COMMD10: variants seen among roughly 807,000 people sequenced by gnomAD.
COMMD10 encodes the protein COMM domain containing 10.
In COMMD10, 33 loss-of-function variants were observed where a neutral mutation model predicts 28.9. The ratio of observed to expected loss-of-function variants is 1.14; its 90% confidence interval spans 0.87 to 1.53. The LOEUF is 1.53. COMMD10 is among the 40% of genes most tolerant of loss of function. The pLI, the probability that COMMD10 is intolerant of heterozygous loss-of-function variation, is 0.00. For synonymous variants in COMMD10, 110 were observed against 81.7 expected, an observed-to-expected ratio of 1.35 and a Z score of -1.87; for missense variants, 310 against 233.4, an observed-to-expected ratio of 1.33 and a Z score of -2.14.
chr5:116,093,914 A>G lies in COMMD10; in HGVS notation c.399+1214A>G, dbSNP rs997694624. 5.3e-5 allele frequency among the ~76,000 whole-genome samples: 8 copies of G among 152,336 alleles called. No homozygotes were observed. The East Asian group carries it at 1.5e-3, about 29-fold the overall frequency. On this transcript the variant is annotated intron_variant, in intron 4 of 6. Coordinates refer to ENST00000274458, the MANE Select transcript of COMMD10 (RefSeq NM_016144.4). ...GATTTATTACAAAGTTGCCAAGAGC[A>G]TACAACTGGGGAAAGGGCACCCTCT...
chr5:116,263,132 CAT>C (rs1336428783), intron 5 of COMMD10, among the ~76,000 whole-genome samples: 5 of 151,806 alleles, frequency 3.3e-5, no homozygotes, highest in Non-Finnish European at 5.9e-5. Flanking sequence ...TTTACTTACA[CAT>C]ATATTTTAGA....
intron 4 of COMMD10, among the ~76,000 whole-genome samples, chr5:116,126,902 A>C (rs965680496): frequency 1.8e-4 from 28 of 152,366 alleles, no homozygotes; most frequent in Admixed American, 3.3e-4. Context: ...AAGCAATGGC[A>C]ACAAAAGCCA....
At chr5:116,275,556 A>T (rs910708323) in intron 5 of COMMD10, among the ~76,000 whole-genome samples, 1 of 151,738 alleles carries the variant, frequency 6.6e-6, no homozygotes, top group South Asian at 2.1e-4. Flanking sequence ...GATTGTACAC[A>T]TTGTCTTCAT....
intron 5 of COMMD10, among the ~76,000 whole-genome samples, chr5:116,267,454 C>G (rs1219157519): frequency 6.6e-6 from 1 of 151,790 alleles, no homozygotes; most frequent in Non-Finnish European, 1.5e-5. Context: ...AAAGAGGACA[C>G]AAACAAATGG....
intron 5 of COMMD10, among the ~76,000 whole-genome samples, chr5:116,257,027 C>T (rs577085559): frequency 4.2e-4 from 64 of 151,866 alleles, no homozygotes; most frequent in African/African-American, 1.4e-3. Flanking sequence ...CATACTTTAC[C>T]TACAGTGCTG....
intron 5 of COMMD10, among the ~76,000 whole-genome samples, chr5:116,224,265 G>T (rs964153499): frequency 1.3e-5 from 2 of 152,138 alleles, no homozygotes; most frequent in Non-Finnish European, 2.9e-5. Context: ...GTTTATTCCT[G>T]TTCACTAGAA....
At chr5:116,283,022 A>T (rs1751115280) in intron 5 of COMMD10, among the ~76,000 whole-genome samples, 1 of 151,974 alleles carries the variant, frequency 6.6e-6, no homozygotes, top group South Asian at 2.1e-4. Flanking sequence ...AAGATTCTGT[A>T]GAACCAAGAA....
rs370243044 is a variant in COMMD10, at chr5:116,267,128, A to T, written c.511-24389A>T. 9.1e-4 allele frequency among the ~76,000 whole-genome samples: 138 copies of T among 152,024 alleles called. 3 individuals are homozygous for T. In the South Asian group the frequency reaches 0.027, roughly 29 times the overall value. On this transcript the variant is annotated intron_variant, in intron 5 of 6. Coordinates refer to ENST00000274458, the MANE Select transcript of COMMD10 (RefSeq NM_016144.4). The stretch of plus-strand genomic sequence containing the variant: ...CAGACAGGAGAAAGAAATAAAGGGT[A>T]GTCAATTAGGAAAAGAGGAAGTCAA...
At chr5:116,271,676 C>T (rs1448640885) in intron 5 of COMMD10, among the ~76,000 whole-genome samples, 2 of 151,788 alleles carry the variant, frequency 1.3e-5, no homozygotes, top group Admixed American at 6.6e-5. Flanking sequence ...TAGAAGGAGC[C>T]TATGTCTACT....
chr5:116,105,175 T>A (rs1750798235), intron 4 of COMMD10, among the ~76,000 whole-genome samples: 1 of 152,226 alleles, frequency 6.6e-6, no homozygotes, highest in Non-Finnish European at 1.5e-5. Context: ...CAAAGGGCTG[T>A]TGAATTTTAT....
intron 3 of COMMD10, 129 bp downstream of exon 3, chr5:116,091,318 G>A (rs1750292974): frequency 2.1e-6 from 1 of 472,182 alleles, no homozygotes; most frequent in East Asian, 3.4e-5. Flanking sequence ...ATGTATTTTA[G>A]TTAAGAATTT....
chr5:116,085,188 C>T, intron 1 of COMMD10, 95 bp downstream of exon 1: 1 of 449,008 alleles, frequency 2.2e-6, no homozygotes, highest in South Asian at 1.9e-5. Flanking sequence ...GCCTGGGCGC[C>T]GCGGCGGGCC....
At chr5:116,267,883 A>G (rs1355461047) in intron 5 of COMMD10, among the ~76,000 whole-genome samples, 1 of 151,906 alleles carries the variant, frequency 6.6e-6, no homozygotes, top group African/African-American at 2.4e-5. Context: ...TGCTGGGAAA[A>G]CTGGCTAGCC....
chr5:116,091,234 C>A, intron 3 of COMMD10, 45 bp downstream of exon 3: 1 of 1,039,812 alleles, frequency 9.6e-7, no homozygotes, highest in Non-Finnish European at 1.5e-6. Flanking sequence ...TTGTTTACTA[C>A]ATATTTGTAT....
intron 3 of COMMD10, among the ~76,000 whole-genome samples, chr5:116,091,720 G>A (rs1023208772): frequency 2.0e-5 from 3 of 152,106 alleles, no homozygotes; most frequent in South Asian, 2.1e-4. Context: ...GTTCATATGC[G>A]TTAGTTATAC....
chr5:116,130,338 G>T (rs1218552901), intron 4 of COMMD10, among the ~76,000 whole-genome samples: 1 of 151,810 alleles, frequency 6.6e-6, no homozygotes, highest in Non-Finnish European at 1.5e-5. Context: ...ATGATAGATG[G>T]CAAAAAGCCC....
intron 5 of COMMD10, among the ~76,000 whole-genome samples, chr5:116,271,463 T>G (rs1478721285): frequency 6.6e-6 from 1 of 151,606 alleles, no homozygotes; most frequent in Non-Finnish European, 1.5e-5. Flanking sequence ...TACTTTTGTT[T>G]CCTATCTCAA....
At chr5:116,254,222 A>G (rs187440787) in intron 5 of COMMD10, among the ~76,000 whole-genome samples, 35 of 151,856 alleles carry the variant, frequency 2.3e-4, no homozygotes, top group African/African-American at 7.5e-4. Context: ...CGGTCTATCA[A>G]TTTTGTTGAT....
intron 5 of COMMD10, among the ~76,000 whole-genome samples, chr5:116,153,009 T>A (rs572009152): frequency 3.9e-5 from 6 of 152,208 alleles, no homozygotes; most frequent in Admixed American, 3.3e-4. Context: ...TAGATTGGCA[T>A]GGTAGTAACT....
Sources: gnomAD v4.1 joint callset for allele counts (sites outside exome capture counted in the v4.1 genomes callset) on GRCh38, gnomAD v4.1.1 for gene constraint, MANE v1.5 for transcripts, NCBI Gene and HGNC (gene_info 2026-07-23, HGNC 2026-07-21) for gene names.